Variants in MEGF11 observed in about 807,000 individuals in gnomAD.
The protein encoded by MEGF11 is multiple epidermal growth factor-like domains protein 11.
Under a neutral mutation model 146.6 loss-of-function variants are expected in MEGF11, and 126 were observed. That is an observed-to-expected ratio of 0.86 (90% CI 0.74 to 1.00). The LOEUF is 1.00. Ranked by LOEUF, MEGF11 falls within the 50% of genes least tolerant of loss-of-function variation. The pLI, the probability that MEGF11 is intolerant of heterozygous loss-of-function variation, is 0.00. For missense variants in MEGF11, 1,509 were observed against 1,521.2 expected, an observed-to-expected ratio of 0.99 and a Z score of 0.13; for synonymous variants, 532 against 583.4, an observed-to-expected ratio of 0.91 and a Z score of 1.27.
At chr15:65,970,418 G>T (rs906269172) in intron 8 of MEGF11, 135 bp downstream of exon 8, 3 of 973,026 alleles carry the variant, frequency 3.1e-6, no homozygotes, top group Non-Finnish European at 4.5e-6. Context: ...ACCCTCCCTG[G>T]CAGGAGAGCT....
intron 5 of MEGF11, among the ~76,000 whole-genome samples, chr15:66,042,140 TCACTCCATCAC>T (rs2084007944): frequency 2.0e-5 from 3 of 148,192 alleles, no homozygotes; most frequent in Non-Finnish European, 4.5e-5. Flanking sequence ...AGACAGAGCC[TCACTCCATCAC>T]CCAGGCTGGA....
At chr15:66,039,695 C>T (rs1457317305) in intron 5 of MEGF11, among the ~76,000 whole-genome samples, 1 of 152,198 alleles carries the variant, frequency 6.6e-6, no homozygotes, top group African/African-American at 2.4e-5. Flanking sequence ...TGGACTGTCT[C>T]AAAGCCCGGC....
In MEGF11 at chr15:66,165,803, C is replaced by T. The variant is rs535790383; in HGVS notation, c.-8-37392G>A. On this transcript the variant is annotated intron_variant, in intron 1 of 25. Transcript: ENST00000395614. ...GAAGACCAAAGGCAGGGTCTCCCTC[C>T]GTCCCCTGTCCCAGTCCTGCCAGGC... 1.8e-4 allele frequency among the ~76,000 whole-genome samples: 27 copies of T among 152,300 alleles called. No homozygotes were observed. In the East Asian group the frequency reaches 2.5e-3, roughly 14 times the overall value.
In MEGF11 at chr15:65,970,626, G is replaced by A. The variant is rs745558283; in HGVS notation, c.826C>T (p.Pro276Ser). 5 of 1,613,762 alleles carry A rather than the reference G, an allele frequency of 3.1e-6. No homozygotes were observed. Among genetic ancestry groups the A allele is most frequent in the Non-Finnish European group, 4.2e-6 (5 of 1,179,782 alleles). Residue 276 changes from proline to serine, a missense_variant, in exon 8 of 26, where the codon CCT (proline) becomes TCT (serine). Pro to Ser is a moderately conservative substitution (Grantham distance 74, BLOSUM62 -1). Coordinates refer to ENST00000395614, the MANE Select transcript of MEGF11 (RefSeq NM_001385028.1). Reference sequence around the variant, plus strand: ...TCACACTGCCCTCCATGGTGGCAAGGACAATCCTGGCTGCAGTTCTGGCCA... The same window carrying A: ...TCACACTGCCCTCCATGGTGGCAAGAACAATCCTGGCTGCAGTTCTGGCCA... Reference protein sequence around the residue: ...TFGQNCSQDCPCHHGGQCDHV... With the variant: ...TFGQNCSQDCSCHHGGQCDHV...
intron 1 of MEGF11, among the ~76,000 whole-genome samples, chr15:66,247,906 C>T (rs2092318281): frequency 6.6e-6 from 1 of 151,360 alleles, no homozygotes; most frequent in Admixed American, 6.6e-5. Flanking sequence ...CATGGTGGCG[C>T]GTGCCTGTAA....
At chr15:66,111,748 G>C (rs1037224943) in intron 4 of MEGF11, among the ~76,000 whole-genome samples, 26 of 152,338 alleles carry the variant, frequency 1.7e-4, no homozygotes, top group African/African-American at 6.0e-4. Flanking sequence ...CAGGATAGGG[G>C]AACAGGCAGT....
intron 1 of MEGF11, among the ~76,000 whole-genome samples, chr15:66,245,336 C>A (rs946447720): frequency 2.0e-5 from 3 of 151,936 alleles, no homozygotes; most frequent in Non-Finnish European, 4.4e-5. Context: ...TTGGTTAAAA[C>A]AATGTTTTAG....
intron 5 of MEGF11, among the ~76,000 whole-genome samples, chr15:66,049,135 C>A (rs2084349443): frequency 6.6e-6 from 1 of 152,164 alleles, no homozygotes; most frequent in African/African-American, 2.4e-5. Flanking sequence ...TCACCCCTGC[C>A]TTTGGAACTG....
At chr15:65,924,377 G>C (rs867323074) in intron 13 of MEGF11, among the ~76,000 whole-genome samples, 1 of 138,448 alleles carries the variant, frequency 7.2e-6, no homozygotes, top group Non-Finnish European at 1.6e-5. Flanking sequence ...TGTGGGTGGG[G>C]GGGGGGGCAA....
intron 1 of MEGF11, among the ~76,000 whole-genome samples, chr15:66,165,039 G>A (rs1451875881): frequency 6.6e-6 from 1 of 152,122 alleles, no homozygotes; most frequent in Non-Finnish European, 1.5e-5. Context: ...GAGCACAGCC[G>A]GGCTCATCTC....
At chr15:66,150,823 CGAGAGAGAGAGAGAGAGAGAGA>C (rs66595752) in intron 1 of MEGF11, among the ~76,000 whole-genome samples, 6,772 of 104,378 alleles carry the variant, frequency 0.065, 200 homozygotes, top group African/African-American at 0.09. Flanking sequence ...AATGCCCTGT[CGAGAGAGAGAGAGAGAGAGAGA>C]GAGAGAGAGA....
intron 1 of MEGF11, among the ~76,000 whole-genome samples, chr15:66,179,665 C>T (rs1449930329): frequency 6.6e-6 from 1 of 152,114 alleles, no homozygotes; most frequent in Non-Finnish European, 1.5e-5. Context: ...TCCCCAAATG[C>T]AAAATAAGGA....
chr15:65,962,778 G>A (rs183558812), intron 9 of MEGF11, among the ~76,000 whole-genome samples: 8 of 152,244 alleles, frequency 5.3e-5, no homozygotes, highest in Admixed American at 2.6e-4. Flanking sequence ...GGCTGCTGGT[G>A]CCCTCAAGGA....
chr15:66,010,297 A>G (rs1475920111), intron 5 of MEGF11, among the ~76,000 whole-genome samples: 1 of 151,956 alleles, frequency 6.6e-6, no homozygotes, highest in Non-Finnish European at 1.5e-5. Flanking sequence ...GATTCAAGCA[A>G]TTCTCATGCC....
intron 1 of MEGF11, among the ~76,000 whole-genome samples, chr15:66,173,274 C>G (rs1039641758): frequency 6.6e-6 from 1 of 152,136 alleles, no homozygotes; most frequent in Non-Finnish European, 1.5e-5. Flanking sequence ...CAAAGCCTCT[C>G]TTTTTTACAT....
chr15:66,001,106 T>C (rs541481201), intron 5 of MEGF11, among the ~76,000 whole-genome samples: 1 of 152,274 alleles, frequency 6.6e-6, no homozygotes, highest in East Asian at 1.9e-4. Flanking sequence ...AAATTTGGCC[T>C]CAGAGGATGT....
At chr15:65,942,886 A>G (rs578191922) in intron 10 of MEGF11, among the ~76,000 whole-genome samples, 45 of 151,382 alleles carry the variant, frequency 3.0e-4, no homozygotes, top group African/African-American at 1.1e-3. Flanking sequence ...TTGACAGCAT[A>G]TGACCCTAAT....
intron 1 of MEGF11, among the ~76,000 whole-genome samples, chr15:66,149,381 G>A (rs1409141543): frequency 6.6e-6 from 1 of 152,198 alleles, no homozygotes; most frequent in East Asian, 1.9e-4. Flanking sequence ...CTGCAAAGTG[G>A]GAATGTTAAC....
intron 5 of MEGF11, among the ~76,000 whole-genome samples, chr15:65,998,714 G>T (rs1327606542): frequency 6.6e-6 from 1 of 152,118 alleles, no homozygotes; most frequent in Non-Finnish European, 1.5e-5. Context: ...GGGGTGTGGG[G>T]AGGACCAAAG....
Sources: allele counts gnomAD v4.1 joint callset (sites outside exome capture counted in the v4.1 genomes callset), GRCh38; gene constraint gnomAD v4.1.1; transcripts MANE v1.5; gene names NCBI Gene and HGNC (gene_info 2026-07-23, HGNC 2026-07-21).